TPTE: variants seen among roughly 807,000 people sequenced by gnomAD.
TPTE encodes the protein transmembrane phosphatase with tensin homology.
TPTE carries 59 observed loss-of-function variants against 84.1 expected under a neutral mutation model. That is an observed-to-expected ratio of 0.70 (90% confidence interval 0.57 to 0.87). TPTE has a LOEUF of 0.87. Ranked by LOEUF, TPTE falls within the 40% of genes least tolerant of loss-of-function variation. The pLI is 0.00. For synonymous variants in TPTE, 130 were observed against 223.5 expected, an observed-to-expected ratio of 0.58 and a Z score of 3.73; for missense variants, 382 against 659.6, an observed-to-expected ratio of 0.58 and a Z score of 4.61.
In TPTE at chr21:10,570,581, C is replaced by T. The variant is rs2075023060; in HGVS notation, c.795+32C>T. ...GTCTTTATCTGACAAATACTCATTTCTTAGTGAATGTAGACTGTGTAGTCA... is the reference window on the plus strand; with the variant it reads ...GTCTTTATCTGACAAATACTCATTTTTTAGTGAATGTAGACTGTGTAGTCA... On this transcript the variant is annotated intron_variant, in intron 14 of 23. Transcript: ENST00000618007. 8.1e-6 allele frequency: 13 copies of T among 1,613,858 alleles called. No individual in the cohort carries two copies. In the East Asian group the frequency reaches 2.7e-4, roughly 33 times the overall value.
intron 23 of TPTE, among the ~76,000 whole-genome samples, chr21:10,603,918 A>G (rs1205784848): frequency 6.6e-6 from 1 of 152,310 alleles, no homozygotes; most frequent in East Asian, 1.9e-4. Flanking sequence ...AATTCCTCCC[A>G]GAGAAGTTCA....
intron 3 of TPTE, among the ~76,000 whole-genome samples, chr21:10,536,622 A>G (rs2074271588): frequency 6.6e-6 from 1 of 152,430 alleles, no homozygotes; most frequent in East Asian, 1.9e-4. Context: ...CGACAGAGAG[A>G]AAGATGAAGA....
At chr21:10,576,605 T>C (rs916481719) in intron 14 of TPTE, 1 of 152,582 alleles carries the variant, frequency 6.6e-6, no homozygotes, top group African/African-American at 2.4e-5. Flanking sequence ...ATGACTTTGA[T>C]ACCTTCATTT....
At chr21:10,539,233 G>C (rs1448839307) in intron 4 of TPTE, among the ~76,000 whole-genome samples, 1 of 152,310 alleles carries the variant, frequency 6.6e-6, no homozygotes, top group Non-Finnish European at 1.5e-5. Flanking sequence ...ACAAGGAGCA[G>C]TGAAGCCCTG....
chr21:10,542,293 AAATT>A (rs2074382986), intron 5 of TPTE, 98 bp from the exon 6 acceptor site: 10 of 1,412,208 alleles, frequency 7.1e-6, no homozygotes, highest in Admixed American at 5.2e-5. Flanking sequence ...GAATAGTCAG[AAATT>A]AATTGGTTTC....
At chr21:10,547,837 C>G (rs1248933169) in intron 7 of TPTE, among the ~76,000 whole-genome samples, 2 of 152,308 alleles carry the variant, frequency 1.3e-5, no homozygotes, top group African/African-American at 2.4e-5. Context: ...ACCACACTTC[C>G]AGACAGAGGA....
intron 7 of TPTE, among the ~76,000 whole-genome samples, chr21:10,547,663 C>T (rs540679859): frequency 2.5e-3 from 374 of 152,234 alleles, no homozygotes; most frequent in Non-Finnish European, 3.4e-3. Context: ...AGTGTGCCCT[C>T]CTCTGGGGGC....
rs371889505 is a variant in TPTE at position 10,541,140 on chromosome 21, A to G, written c.40A>G (p.Ile14Val). The change falls in exon 5 of 24, where the codon ATC becomes GTC. Residue 14 changes from isoleucine to valine, a missense_variant. By Grantham distance (29) the Ile-to-Val change is conservative. Coordinates refer to ENST00000618007, the MANE Select transcript of TPTE (RefSeq NM_199261.4). ...TGATCCGACTGACCTGGCGGGAGTC[A>G]TCATTGAGCTCGGCCCCAATGACAG... ...SPDPTDLAGVIIELGPNDSPQ... is the reference protein window; with the variant it reads ...SPDPTDLAGVVIELGPNDSPQ... 2.1e-4 allele frequency: 334 copies of G among 1,612,992 alleles called. No homozygotes were observed. In the Admixed American group the frequency reaches 2.9e-3, roughly 14 times the overall value.
At chr21:10,540,765 T>C (rs1303945056) in intron 4 of TPTE, 1 of 522,054 alleles carries the variant, frequency 1.9e-6, no homozygotes, top group East Asian at 5.4e-5. Flanking sequence ...TGATTGGAGG[T>C]GATAGAGAAT....
intron 7 of TPTE, among the ~76,000 whole-genome samples, chr21:10,548,772 A>G (rs913412902): frequency 6.6e-6 from 1 of 152,306 alleles, no homozygotes; most frequent in African/African-American, 2.4e-5. Context: ...GTGTACCCAC[A>G]TACCAGTTAT....
chr21:10,585,589 T>A (rs1181621594), intron 17 of TPTE, among the ~76,000 whole-genome samples: 1 of 152,308 alleles, frequency 6.6e-6, no homozygotes, highest in African/African-American at 2.4e-5. Flanking sequence ...TCTCATAGTT[T>A]TTTCAAATCT....
intron 19 of TPTE, among the ~76,000 whole-genome samples, chr21:10,592,805 G>GGTGTGTGTGTGTGT (rs4041809): frequency 0.01 from 1,493 of 146,826 alleles, 3 homozygotes; most frequent in African/African-American, 0.033. Context: ...GATGACTCCT[G>GGTGTGTGTGTGTGT]GTGTGTGTGT....
chr21:10,556,875 T>G (rs1456660181), intron 8 of TPTE, among the ~76,000 whole-genome samples: 1 of 152,308 alleles, frequency 6.6e-6, no homozygotes, highest in Non-Finnish European at 1.5e-5. Flanking sequence ...CTTTGCCCAC[T>G]TTTTGATGGG....
At chr21:10,577,324 T>G (rs1241536637) in intron 14 of TPTE, 136 bp from the exon 15 acceptor site, 2 of 1,482,224 alleles carry the variant, frequency 1.3e-6, no homozygotes, top group African/African-American at 1.4e-5. Context: ...GCATACCCTC[T>G]TATTCCCTGA....
chr21:10,542,678 C>A (rs1227556239), intron 6 of TPTE, among the ~76,000 whole-genome samples: 1 of 152,306 alleles, frequency 6.6e-6, no homozygotes, highest in African/African-American at 2.4e-5. Flanking sequence ...GAAACATAGA[C>A]CAAAGAGAAA....
At chr21:10,548,512 G>A (rs913455659) in intron 7 of TPTE, among the ~76,000 whole-genome samples, 18 of 152,300 alleles carry the variant, frequency 1.2e-4, no homozygotes, top group Non-Finnish European at 2.5e-4. Context: ...GCTTCCCCTG[G>A]CAGGCACCAC....
chr21:10,541,494 G>GCA (rs71250996), intron 5 of TPTE, among the ~76,000 whole-genome samples: 24,584 of 143,270 alleles, frequency 0.17, 35 homozygotes, highest in African/African-American at 0.42. Flanking sequence ...AAAAAAAGAT[G>GCA]CACACACACA....
rs1276940599 is a variant in TPTE at position 10,543,055 on chromosome 21, C to T, written c.120-274C>T. ...TTTTTTTTTTTGAGACGGAGTCTCG[C>T]TCTGTCGCCCAGGCCGGACTGCGGA... On this transcript the variant is annotated intron_variant, in intron 6 of 23. Coordinates refer to ENST00000618007, the MANE Select transcript of TPTE (RefSeq NM_199261.4). 1.3e-4 allele frequency among the ~76,000 whole-genome samples: 15 copies of T among 111,990 alleles called. 1 individual carries two copies. Among genetic ancestry groups the T allele is most frequent in the Non-Finnish European group, 2.3e-4 (14 of 61,518 alleles). 73.5% of individuals were successfully genotyped at this position (111,990 alleles called of 152,430 possible).
In TPTE at chr21:10,522,588, T is replaced by C. The variant is rs866464152; in HGVS notation, c.-211+894T>C. On this transcript the variant is annotated intron_variant, in intron 1 of 23. Coordinates refer to ENST00000618007, the MANE Select transcript of TPTE (RefSeq NM_199261.4). ...GTAGTTTTAATCTGCATTTCTCTAATAGATAGTGATGATGACCAGTTTTTC... is the reference window on the plus strand; with the variant it reads ...GTAGTTTTAATCTGCATTTCTCTAACAGATAGTGATGATGACCAGTTTTTC... 3.9e-5 allele frequency among the ~76,000 whole-genome samples: 6 copies of C among 152,422 alleles called. No individual in the cohort carries two copies. In the South Asian group the frequency reaches 1.0e-3, roughly 26 times the overall value.
Sources: allele counts gnomAD v4.1 joint callset (sites outside exome capture counted in the v4.1 genomes callset), GRCh38; gene constraint gnomAD v4.1.1; transcripts MANE v1.5; gene names NCBI Gene and HGNC (gene_info 2026-07-23, HGNC 2026-07-21).